The following AJAP1 variants were observed in gnomAD, a reference collection of about 807,000 sequenced individuals.
AJAP1 encodes adherens junctions associated protein 1, also known as adherens junction-associated protein 1.
Under a neutral mutation model 35.0 loss-of-function variants are expected in AJAP1, and 5 were observed. The ratio of observed to expected loss-of-function variants is 0.14; its 90% CI spans 0.07 to 0.30. AJAP1 has a LOEUF of 0.30. Among genes scored for constraint, AJAP1 ranks in the 10% least tolerant of loss-of-function variants. AJAP1 has a pLI of 1.00. For missense variants in AJAP1, 586 were observed against 571.0 expected, an observed-to-expected ratio of 1.03 and a Z score of -0.27; for synonymous variants, 284 against 249.3, an observed-to-expected ratio of 1.14 and a Z score of -1.31.
At chr1:4,661,742 G>C (rs1310648688) in intron 1 of AJAP1, among the ~76,000 whole-genome samples, 1 of 152,186 alleles carries the variant, frequency 6.6e-6, no homozygotes, top group Non-Finnish European at 1.5e-5. Flanking sequence ...CGTGTGTTCA[G>C]CTGACTCTGA....
chr1:4,772,415 C>G lies in AJAP1; in HGVS notation c.1053C>G (p.Asn351Lys), dbSNP rs770867069. The G allele has an allele frequency of 3.7e-6, 6 of 1,614,218 alleles. No individual in the cohort carries two copies. The East Asian group carries it at 1.3e-4, about 36-fold the overall frequency. The change falls in exon 4 of 6, where the codon AAC (asparagine) becomes AAG (lysine). Residue 351 changes from asparagine (N) to lysine (K), a missense_variant. Coordinates refer to ENST00000378191, the MANE Select transcript of AJAP1 (RefSeq NM_018836.4). ...GCCTGGACATATTCACGGCCTATAA[C>G]GAGACCCTGCAGTGTTCTCACGAGT... is the stretch of plus-strand genomic sequence containing the variant. The part of the protein sequence containing the change: ...PSSLDIFTAY[N>K]ETLQCSHECV...
At chr1:4,660,836 G>T (rs1259370266) in intron 1 of AJAP1, among the ~76,000 whole-genome samples, 1 of 152,134 alleles carries the variant, frequency 6.6e-6, no homozygotes, top group Non-Finnish European at 1.5e-5. Context: ...ATCCATCATC[G>T]GTGACAGTAA....
chr1:4,772,408 C>A lies in AJAP1; in HGVS notation c.1046C>A (p.Ala349Asp). ...CCCAGCAGCCTGGACATATTCACGG[C>A]CTATAACGAGACCCTGCAGTGTTCT... ...RVPSSLDIFT[A>D]YNETLQCSHE... The change falls in exon 4 of 6, where the codon GCC (alanine) becomes GAC (aspartate). Residue 349 changes from alanine (A) to aspartate (D), a missense_variant. Transcript: ENST00000378191. 1.3e-5 allele frequency: 21 copies of A among 1,614,242 alleles called. No homozygotes were observed. The highest frequency in any genetic ancestry group is 1.8e-5 in the Non-Finnish European group (21 of 1,180,054).
rs1027548731 is a variant in AJAP1, at chr1:4,696,952, G to C, written c.30-14948G>C. ...GTGCGTGTGTGTCTCTGCATGTTCT[G>C]TGTGTATGTGTGTCTCTGTATGTGC... On this transcript the variant is annotated intron_variant, in intron 1 of 5. Transcript: ENST00000378191. Among the ~76,000 whole-genome samples, 4 of 152,112 alleles carry C rather than the reference G, an allele frequency of 2.6e-5. No individual in the cohort carries two copies. In the East Asian group the frequency reaches 7.7e-4, roughly 29 times the overall value.
intron 5 of AJAP1, among the ~76,000 whole-genome samples, chr1:4,778,190 G>A (rs1235295360): frequency 6.6e-6 from 1 of 152,154 alleles, no homozygotes; most frequent in Non-Finnish European, 1.5e-5. Flanking sequence ...CCCAGATCCC[G>A]ATCTGGAAGA....
intron 3 of AJAP1, among the ~76,000 whole-genome samples, chr1:4,771,935 C>T (rs12030346): frequency 0.18 from 27,388 of 152,010 alleles, 2,846 homozygotes; most frequent in East Asian, 0.39. Flanking sequence ...GCTTTTATCC[C>T]GTCGAGGCGT....
chr1:4,702,460 G>A (rs1055960745), intron 1 of AJAP1, among the ~76,000 whole-genome samples: 54 of 152,364 alleles, frequency 3.5e-4, no homozygotes, highest in African/African-American at 1.1e-3. Context: ...TAGAGAGTTT[G>A]GCTTTGCTTA....
Position 4,785,083 on chromosome 1 carries a change from A to C in AJAP1, c.*2598A>C. On this transcript the variant is annotated 3_prime_UTR_variant, in exon 6 of 6. Coordinates refer to ENST00000378191, the MANE Select transcript of AJAP1 (RefSeq NM_018836.4). ...CATGAGAACCTAGGATTCCCGAGGG[A>C]CTCCTGGTATCTGCTCTGTCAACTC... The C allele has an allele frequency of 6.6e-6, 1 of 151,560 alleles. No individual in the cohort carries two copies. 9.4% of individuals were successfully genotyped at this position (151,560 alleles called of 1,614,324 possible). A position where few individuals can be genotyped will look rare whatever the true frequency, so the allele number is the denominator to read the frequency against.
chr1:4,743,400 G>A (rs1037590721), intron 2 of AJAP1, among the ~76,000 whole-genome samples: 1 of 152,160 alleles, frequency 6.6e-6, no homozygotes, highest in Non-Finnish European at 1.5e-5. Context: ...ACCTGGTTAT[G>A]GAAAACTAAA....
intron 1 of AJAP1, among the ~76,000 whole-genome samples, chr1:4,691,437 G>A (rs1051561787): frequency 6.6e-6 from 1 of 152,226 alleles, no homozygotes; most frequent in Non-Finnish European, 1.5e-5. Context: ...CAGTGCTTTA[G>A]GTGACAGGTA....
intron 2 of AJAP1, among the ~76,000 whole-genome samples, chr1:4,718,277 T>C (rs1317802557): frequency 2.0e-5 from 3 of 152,192 alleles, no homozygotes; most frequent in African/African-American, 7.2e-5. Flanking sequence ...CTCATGAAAG[T>C]CCAGCCTCTG....
intron 3 of AJAP1, among the ~76,000 whole-genome samples, chr1:4,770,177 C>T (rs377411350): frequency 5.9e-5 from 9 of 152,278 alleles, no homozygotes; most frequent in African/African-American, 1.9e-4. Context: ...TCTCAGGGTG[C>T]GTGTGGTCCT....
intron 1 of AJAP1, among the ~76,000 whole-genome samples, chr1:4,682,358 A>T (rs1457486377): frequency 6.6e-6 from 1 of 152,034 alleles, no homozygotes; most frequent in South Asian, 2.1e-4. Flanking sequence ...ACCTTCCCCT[A>T]TGCATCTCCC....
At position 4,720,244 on chromosome 1, in the gene AJAP1, C is replaced by G. The variant is rs1412756698; in HGVS notation, c.829+7545C>G. Among the ~76,000 whole-genome samples the G allele has an allele frequency of 2.0e-5, 3 of 152,212 alleles. No individual in the cohort carries two copies. The East Asian group carries it at 5.8e-4, about 29-fold the overall frequency. ...AGACATGAAGACAGGCTTCGGGTCC[C>G]CGCTTTCGATGTGGTTCAACATGGT... On this transcript the variant is annotated intron_variant, in intron 2 of 5. Coordinates refer to ENST00000378191, the MANE Select transcript of AJAP1 (RefSeq NM_018836.4). This position sits in a 1 kb window ranked among gnomAD's most constrained non-coding sequence, Gnocchi z 4.4.
rs1255460012 is a variant in AJAP1 at position 4,784,787 on chromosome 1, G to A, written c.*2302G>A. On this transcript the variant is annotated 3_prime_UTR_variant, in exon 6 of 6. Coordinates refer to ENST00000378191, the MANE Select transcript of AJAP1 (RefSeq NM_018836.4). ...CGCCACTGGCATTTGGCCGTCTCCA[G>A]GTTCCTGGCACTCACCTGCATGGCG... 6.6e-6 allele frequency: 1 copy of A among 152,276 alleles called. No homozygotes were observed. The highest frequency in any genetic ancestry group is 1.5e-5 in the Non-Finnish European group (1 of 68,058). The allele number at this position is 152,276 out of a possible 1,614,324, so 9.4% of individuals were successfully genotyped here. A position where few individuals can be genotyped will look rare whatever the true frequency, so the allele number is the denominator to read the frequency against.
chr1:4,751,887 G>A (rs1641327620), intron 2 of AJAP1, among the ~76,000 whole-genome samples: 1 of 152,186 alleles, frequency 6.6e-6, no homozygotes, highest in African/African-American at 2.4e-5. Flanking sequence ...GAGTTCACAG[G>A]TGACTCTGGA....
At chr1:4,715,626 G>A (rs1358716437) in intron 2 of AJAP1, among the ~76,000 whole-genome samples, 3 of 152,100 alleles carry the variant, frequency 2.0e-5, no homozygotes, top group African/African-American at 7.2e-5. Flanking sequence ...TGGAGGTTGC[G>A]GTGAGCCAAG....
intron 1 of AJAP1, among the ~76,000 whole-genome samples, chr1:4,686,899 C>G (rs1639619056): frequency 6.6e-6 from 1 of 152,194 alleles, no homozygotes; most frequent in South Asian, 2.1e-4. Flanking sequence ...GGATGTCAAC[C>G]TCCAAGCAAA....
At chr1:4,742,162 C>G (rs1641082257) in intron 2 of AJAP1, among the ~76,000 whole-genome samples, 1 of 152,168 alleles carries the variant, frequency 6.6e-6, no homozygotes, top group Non-Finnish European at 1.5e-5. Context: ...GAAATGCTGG[C>G]CACGCAAAGC....
Sources: allele counts gnomAD v4.1 joint callset (sites outside exome capture counted in the v4.1 genomes callset), GRCh38; gene constraint gnomAD v4.1.1; non-coding constraint Gnocchi (gnomAD v3.1); transcripts MANE v1.5; gene names NCBI Gene and HGNC (gene_info 2026-07-23, HGNC 2026-07-21).